The following RFX3 variants were observed in gnomAD, a reference collection of about 807,000 sequenced individuals.
The protein encoded by RFX3 is transcription factor RFX3.
RFX3 carries 14 observed loss-of-function variants against 98.6 expected under a neutral mutation model. The ratio of observed to expected loss-of-function variants is 0.14; its 90% CI spans 0.09 to 0.22. RFX3 has a LOEUF of 0.22. Among genes scored for constraint, RFX3 ranks in the 10% least tolerant of loss-of-function variants. The probability of loss-of-function intolerance (pLI) is 1.00; values close to 1 mark genes in which losing one functional copy is unlikely to be tolerated. For synonymous variants in RFX3, 383 were observed against 328.4 expected (o/e 1.17, Z -1.80); for missense variants, 639 against 926.9 (o/e 0.69, Z 4.03).
intron 2 of RFX3, among the ~76,000 whole-genome samples, chr9:3,350,376 C>A (rs1834963775): frequency 6.6e-6 from 1 of 152,034 alleles, no homozygotes; most frequent in Non-Finnish European, 1.5e-5. Context: ...ATCTAAAATG[C>A]TGAATTAGAA....
At chr9:3,504,452 T>C (rs369791406) in intron 1 of RFX3, among the ~76,000 whole-genome samples, 2 of 124,726 alleles carry the variant, frequency 1.6e-5, no homozygotes, top group East Asian at 2.6e-4. Context: ...AAAATATATA[T>C]TATATGCCAT....
intron 1 of RFX3, among the ~76,000 whole-genome samples, chr9:3,468,542 C>G (rs778096017): frequency 6.6e-6 from 1 of 152,148 alleles, no homozygotes; most frequent in Non-Finnish European, 1.5e-5. Flanking sequence ...CAAATATGTG[C>G]TGCAGCTTTC....
intron 1 of RFX3, chr9:3,420,759 C>T (rs1200239889): frequency 1.0e-6 from 1 of 982,302 alleles, no homozygotes; most frequent in African/African-American, 1.8e-5. Context: ...CTTCATTCAT[C>T]ACTACTGTTC....
chr9:3,495,972 A>C (rs1260342890), intron 1 of RFX3, among the ~76,000 whole-genome samples: 1 of 152,058 alleles, frequency 6.6e-6, no homozygotes, highest in African/African-American at 2.4e-5. Flanking sequence ...AGCACATTAA[A>C]TAGCTTTAAG....
chr9:3,227,483 T>C (rs929247964), intron 16 of RFX3, among the ~76,000 whole-genome samples: 3 of 152,210 alleles, frequency 2.0e-5, no homozygotes, highest in Non-Finnish European at 4.4e-5. Context: ...AGAAATCTAC[T>C]TCAGGTTATG....
At chr9:3,433,586 G>C (rs1365874341) in intron 1 of RFX3, among the ~76,000 whole-genome samples, 1 of 152,158 alleles carries the variant, frequency 6.6e-6, no homozygotes, top group Non-Finnish European at 1.5e-5. Flanking sequence ...TTGGGTGGGG[G>C]TGTTGCCACC....
chr9:3,265,803 A>C (rs1404296771), intron 12 of RFX3, among the ~76,000 whole-genome samples: 6 of 152,174 alleles, frequency 3.9e-5, no homozygotes, highest in Non-Finnish European at 5.9e-5. Context: ...AGGATATGAT[A>C]AGTATAGCAG....
At chr9:3,349,805 G>C (rs1834887713) in intron 2 of RFX3, among the ~76,000 whole-genome samples, 1 of 151,892 alleles carries the variant, frequency 6.6e-6, no homozygotes, top group Admixed American at 6.6e-5. Flanking sequence ...GAATAAATTT[G>C]AAGATCATTC....
At chr9:3,477,371 A>G (rs1308226929) in intron 1 of RFX3, among the ~76,000 whole-genome samples, 1 of 152,144 alleles carries the variant, frequency 6.6e-6, no homozygotes, top group African/African-American at 2.4e-5. Context: ...AACATTTCTT[A>G]GAGTTCGTGA....
chr9:3,249,725 G>A (rs1821133671), intron 14 of RFX3, among the ~76,000 whole-genome samples: 1 of 152,054 alleles, frequency 6.6e-6, no homozygotes, highest in Non-Finnish European at 1.5e-5. Flanking sequence ...ACCACTATGT[G>A]ATTTCAATTG....
intron 16 of RFX3, 52 bp downstream of exon 16, chr9:3,228,795 A>G: frequency 6.8e-7 from 1 of 1,463,702 alleles, no homozygotes. Flanking sequence ...CCTCTGTAAG[A>G]ACTTATTAAT....
At chr9:3,273,936 G>A (rs1460905335) in intron 9 of RFX3, among the ~76,000 whole-genome samples, 2 of 151,646 alleles carry the variant, frequency 1.3e-5, no homozygotes, top group Admixed American at 6.6e-5. Context: ...ATGGGAATGA[G>A]AAATTGTTTA....
At chr9:3,322,333 C>T (rs1292537545) in intron 4 of RFX3, among the ~76,000 whole-genome samples, 2 of 152,096 alleles carry the variant, frequency 1.3e-5, no homozygotes, top group African/African-American at 4.8e-5. Context: ...ATCTTGCACA[C>T]TTATTATTAG....
intron 3 of RFX3, among the ~76,000 whole-genome samples, chr9:3,334,086 C>T (rs1350338743): frequency 1.3e-5 from 2 of 151,976 alleles, no homozygotes; most frequent in African/African-American, 2.4e-5. Flanking sequence ...TATTCTCAAC[C>T]ATTATGTCAA....
At chr9:3,477,982 CTTGT>C (rs1472746667) in intron 1 of RFX3, among the ~76,000 whole-genome samples, 4 of 152,038 alleles carry the variant, frequency 2.6e-5, no homozygotes, top group Non-Finnish European at 4.4e-5. Context: ...CCAGAACTTC[CTTGT>C]TTTTTAATAA....
chr9:3,259,792 T>G (rs1258306684), intron 13 of RFX3, among the ~76,000 whole-genome samples: 1 of 151,988 alleles, frequency 6.6e-6, no homozygotes, highest in East Asian at 1.9e-4. Flanking sequence ...GAGAATGAAG[T>G]AGTGAAAAGT....
rs369869178 is a variant in RFX3, at chr9:3,401,859, G to A, written c.-8-6263C>T. The stretch of plus-strand genomic sequence containing the variant: ...TAAATAGGCCACATTTTGAAAGAAG[G>A]CTAATTAACCCCTACGAGAAGGAAA... On this transcript the variant is annotated intron_variant, in intron 1 of 16. Transcript: ENST00000617270. Among the ~76,000 whole-genome samples the A allele has an allele frequency of 9.2e-5, 14 of 152,232 alleles. 2 individuals are homozygous for A. The highest frequency in any genetic ancestry group is 3.1e-4 in the African/African-American group (13 of 41,542).
chr9:3,300,716 A>G (rs1828549394), intron 5 of RFX3, among the ~76,000 whole-genome samples: 2 of 151,940 alleles, frequency 1.3e-5, no homozygotes, highest in Non-Finnish European at 2.9e-5. Context: ...CAGAAGATAT[A>G]TCTAAAATGA....
chr9:3,384,506 A>G (rs1166541976), intron 2 of RFX3, among the ~76,000 whole-genome samples: 1 of 152,208 alleles, frequency 6.6e-6, no homozygotes, highest in African/African-American at 2.4e-5. Flanking sequence ...TAAAAGGCAG[A>G]TAATACCAAC....
Sources: allele counts gnomAD v4.1 joint callset (sites outside exome capture counted in the v4.1 genomes callset), GRCh38; gene constraint gnomAD v4.1.1; transcripts MANE v1.5; gene names NCBI Gene and HGNC (gene_info 2026-07-23, HGNC 2026-07-21).